ACYP2: variants seen among roughly 807,000 people sequenced by gnomAD.
ACYP2 encodes the protein acylphosphatase 2.
ACYP2 carries 12 observed loss-of-function variants against 11.2 expected under a neutral mutation model. That is an observed-to-expected ratio of 1.08 (90% CI 0.69 to 1.74). The LOEUF is 1.74. Ranked by LOEUF, ACYP2 falls within the 40% of genes most tolerant of loss-of-function variation. The pLI is 0.00. For missense variants in ACYP2, 134 were observed against 101.9 expected, an observed-to-expected ratio of 1.31 and a Z score of -1.35; for synonymous variants, 43 against 32.2, an observed-to-expected ratio of 1.33 and a Z score of -1.13.
intron 6 of ACYP2, among the ~76,000 whole-genome samples, chr2:54,288,824 C>T (rs558197543): frequency 6.6e-6 from 1 of 152,028 alleles, no homozygotes; most frequent in African/African-American, 2.4e-5. Flanking sequence ...AGAAGAGGCT[C>T]CCAAAGGTTG....
At chr2:54,024,244 T>C (rs980506579) in intron 2 of ACYP2, among the ~76,000 whole-genome samples, 3 of 152,070 alleles carry the variant, frequency 2.0e-5, no homozygotes, top group Non-Finnish European at 2.9e-5. Context: ...CTCGTGCCTG[T>C]AGTCCCACCT....
rs3066946 is a variant in ACYP2, at chr2:53,982,828, C to CTGTGTGTGTGTGTGTGTG, written c.62+9047_62+9064dup. The stretch of plus-strand genomic sequence containing the variant: ...CATACAACAAATCCTTCACACAAGA[C>CTGTGTGTGTGTGTGTGTG]TGTGTGTGTGTGTGTGTGTGTGTGT... On this transcript the variant is annotated intron_variant, in intron 2 of 6. Coordinates refer to ENST00000607452, the MANE Select transcript of ACYP2 (RefSeq NM_001320586.2). Among the ~76,000 whole-genome samples the CTGTGTGTGTGTGTGTGTG allele has an allele frequency of 3.8e-4, 53 of 140,614 alleles. 1 individual carries two copies. The highest frequency in any genetic ancestry group is 5.2e-4 in the African/African-American group (19 of 36,780). 92.2% of individuals were successfully genotyped at this position (140,614 alleles called of 152,430 possible). A position where few individuals can be genotyped will look rare whatever the true frequency, so the allele number is the denominator to read the frequency against.
intron 6 of ACYP2, among the ~76,000 whole-genome samples, chr2:54,176,966 C>T (rs375661240): frequency 1.6e-4 from 25 of 152,346 alleles, no homozygotes; most frequent in African/African-American, 5.8e-4. Flanking sequence ...CTTTCACAGG[C>T]ACTCTTCCCA....
chr2:54,000,675 GT>G (rs1258599769), intron 2 of ACYP2, among the ~76,000 whole-genome samples: 1 of 152,140 alleles, frequency 6.6e-6, no homozygotes, highest in Non-Finnish European at 1.5e-5. Flanking sequence ...GTTGCAACAG[GT>G]TTTTTTCATG....
chr2:54,163,833 C>T (rs1682835685), intron 6 of ACYP2, among the ~76,000 whole-genome samples: 1 of 151,920 alleles, frequency 6.6e-6, no homozygotes, highest in South Asian at 2.1e-4. Flanking sequence ...TCCAGCCTGG[C>T]CACCAAGAGC....
At chr2:54,200,582 C>T (rs2103906196) in intron 6 of ACYP2, among the ~76,000 whole-genome samples, 1 of 152,248 alleles carries the variant, frequency 6.6e-6, no homozygotes, top group East Asian at 1.9e-4. Flanking sequence ...CATGTAGTAG[C>T]ATGTATCAGT....
chr2:53,977,578 C>G (rs1305132498), intron 2 of ACYP2, among the ~76,000 whole-genome samples: 2 of 151,522 alleles, frequency 1.3e-5, no homozygotes, highest in South Asian at 4.2e-4. Context: ...ACTAAAAATA[C>G]AAAAAAATTA....
At chr2:54,057,715 T>A (rs1026825600) in intron 4 of ACYP2, among the ~76,000 whole-genome samples, 2 of 152,150 alleles carry the variant, frequency 1.3e-5, no homozygotes, top group Non-Finnish European at 2.9e-5. Flanking sequence ...TTAGCAAAAA[T>A]ATATATAATA....
intron 2 of ACYP2, among the ~76,000 whole-genome samples, chr2:54,043,599 A>C (rs945180100): frequency 2.0e-5 from 3 of 152,164 alleles, no homozygotes; most frequent in African/African-American, 7.2e-5. Context: ...CTAATTAAAA[A>C]ATTTTTTCCT....
At chr2:54,215,730 T>C (rs1685531156) in intron 6 of ACYP2, among the ~76,000 whole-genome samples, 2 of 152,174 alleles carry the variant, frequency 1.3e-5, no homozygotes, top group Non-Finnish European at 2.9e-5. Context: ...TTTCTGACTC[T>C]CTTTCCATGT....
chr2:54,138,882 T>G, intron 6 of ACYP2, 134 bp downstream of exon 3: 1 of 694,044 alleles, frequency 1.4e-6, no homozygotes, highest in Non-Finnish European at 2.4e-6. Context: ...AACCTCTGCC[T>G]TCCAGGCTCA....
rs1680698893 is a variant in ACYP2, at chr2:54,128,719, C to G, written c.278-6734C>G. Among the ~76,000 whole-genome samples, 6 of 152,028 alleles carry G rather than the reference C, an allele frequency of 3.9e-5. No individual in the cohort carries two copies. In the South Asian group the frequency reaches 1.2e-3, roughly 32 times the overall value. On this transcript the variant is annotated intron_variant, in intron 4 of 6. Transcript: ENST00000607452. ...TGAAGGTTATTTTTTTTCCTTTTCC[C>G]CCCTTTTTTAAAAAAAATTCAGTTG...
chr2:54,248,979 C>T (rs376084826), intron 6 of ACYP2, among the ~76,000 whole-genome samples: 101 of 151,894 alleles, frequency 6.6e-4, no homozygotes, highest in African/African-American at 2.3e-3. Context: ...GGCACAGAAT[C>T]GGGACTGTAC....
chr2:54,149,029 T>C (rs558838194), intron 6 of ACYP2, among the ~76,000 whole-genome samples: 8 of 152,262 alleles, frequency 5.3e-5, no homozygotes, highest in Admixed American at 3.3e-4. Flanking sequence ...GGTGGGTGGA[T>C]TGCTTGAGCT....
chr2:54,015,277 C>T (rs575375462), intron 2 of ACYP2, among the ~76,000 whole-genome samples: 8 of 151,754 alleles, frequency 5.3e-5, no homozygotes, highest in South Asian at 4.2e-4. Context: ...TCTGGGAGGC[C>T]GAGGCGAGCA....
chr2:54,099,722 C>CT (rs1163045713), intron 4 of ACYP2, among the ~76,000 whole-genome samples: 3 of 151,944 alleles, frequency 2.0e-5, no homozygotes, highest in African/African-American at 7.3e-5. Flanking sequence ...TTTTTAGCTC[C>CT]ATATCTTGAC....
At chr2:54,016,976 C>T (rs971474507) in intron 2 of ACYP2, among the ~76,000 whole-genome samples, 5 of 151,546 alleles carry the variant, frequency 3.3e-5, no homozygotes, top group East Asian at 1.9e-4. Flanking sequence ...CCACCCATCT[C>T]GGCCTCCCAA....
intron 2 of ACYP2, among the ~76,000 whole-genome samples, chr2:54,024,121 C>T (rs1231202182): frequency 1.3e-5 from 2 of 152,152 alleles, no homozygotes; most frequent in African/African-American, 2.4e-5. Context: ...TGCCTGTAAT[C>T]CCAGCACTTT....
intron 4 of ACYP2, among the ~76,000 whole-genome samples, chr2:54,109,894 T>G (rs1422805799): frequency 2.0e-5 from 3 of 152,164 alleles, no homozygotes; most frequent in African/African-American, 7.2e-5. Context: ...CATTATTAAC[T>G]AAAGTTTGTA....
Sources: allele counts gnomAD v4.1 joint callset (sites outside exome capture counted in the v4.1 genomes callset), GRCh38; gene constraint gnomAD v4.1.1; transcripts MANE v1.5; gene names NCBI Gene and HGNC (gene_info 2026-07-23, HGNC 2026-07-21).